Variants in SNCAIP observed in about 807,000 individuals in gnomAD.
SNCAIP encodes synphilin-1.
A neutral mutation model predicts 86.7 loss-of-function variants in SNCAIP; 43 were observed. The observed-to-expected ratio is 0.50, with a 90% CI of 0.39 to 0.64. The LOEUF is 0.64. SNCAIP is among the 30% of genes least tolerant of loss of function. The pLI, the probability that SNCAIP is intolerant of heterozygous loss-of-function variation, is 0.00. For missense variants in SNCAIP, 981 were observed against 1,103.1 expected, an observed-to-expected ratio of 0.89 and a Z score of 1.57; for synonymous variants, 417 against 427.2, an observed-to-expected ratio of 0.98 and a Z score of 0.29.
At chr5:122,368,662 C>G (rs1036977989) in intron 1 of SNCAIP, among the ~76,000 whole-genome samples, 2 of 152,184 alleles carry the variant, frequency 1.3e-5, no homozygotes, top group Non-Finnish European at 2.9e-5. Flanking sequence ...ATCTTAGCTC[C>G]TTTCTCCCAT....
rs182619362 is a variant in SNCAIP, at chr5:122,326,476, T to G, written c.-47+14192T>G. On this transcript the variant is annotated intron_variant, in intron 1 of 10. Coordinates refer to ENST00000261368, the MANE Select transcript of SNCAIP (RefSeq NM_005460.4). ...ACAAAACATACTACTACAACTTCTT[T>G]CCATTTGATAATAAATTTGTCATAG... 6.6e-5 allele frequency among the ~76,000 whole-genome samples: 10 copies of G among 152,248 alleles called. No individual in the cohort carries two copies. The East Asian group carries it at 1.7e-3, about 26-fold the overall frequency.
chr5:122,403,997 A>C (rs1772424749), intron 3 of SNCAIP, 132 bp downstream of exon 3: 3 of 706,008 alleles, frequency 4.2e-6, no homozygotes, highest in Non-Finnish European at 5.1e-6. Context: ...CACTCACACC[A>C]CCCCCCACCT....
At position 122,327,886 on chromosome 5, in the gene SNCAIP, G is replaced by C. The variant is rs531182367; in HGVS notation, c.-47+15602G>C. Among the ~76,000 whole-genome samples, 5 of 152,258 alleles carry C rather than the reference G, an allele frequency of 3.3e-5. No individual in the cohort carries two copies. The East Asian group carries it at 9.7e-4, about 29-fold the overall frequency. On this transcript the variant is annotated intron_variant, in intron 1 of 10. Transcript: ENST00000261368. ...CAAGTGCTATAGTCAGAAGGAGAGA[G>C]GGAACTATGATCTCCATGTGAAATG...
At chr5:122,331,743 C>T (rs1179028602) in intron 1 of SNCAIP, among the ~76,000 whole-genome samples, 1 of 152,184 alleles carries the variant, frequency 6.6e-6, no homozygotes, top group Non-Finnish European at 1.5e-5. Flanking sequence ...CCACTTAATC[C>T]CGTATCGTTC....
intron 6 of SNCAIP, chr5:122,436,619 A>AATGTTCCATTTAT (rs1779546266): frequency 1.3e-5 from 2 of 152,132 alleles, no homozygotes; most frequent in African/African-American, 4.8e-5. Flanking sequence ...CATCTCAAAA[A>AATGTTCCATTTAT]CTGGAATAAA....
chr5:122,433,902 T>C (rs1778886068), intron 6 of SNCAIP, among the ~76,000 whole-genome samples: 1 of 152,220 alleles, frequency 6.6e-6, no homozygotes, highest in Admixed American at 6.5e-5. Context: ...TACAATATTC[T>C]CTTGTGATGC....
rs1358712284 is a variant in SNCAIP, at chr5:122,463,678, CAGA to C, written c.*187_*189del. The C allele has an allele frequency of 5.0e-6, 3 of 604,090 alleles. No homozygotes were observed. The highest frequency in any genetic ancestry group is 4.5e-5 in the South Asian group (2 of 44,616). 37.4% of individuals were successfully genotyped at this position (604,090 alleles called of 1,614,324 possible). On this transcript the variant is annotated 3_prime_UTR_variant, in exon 11 of 11. Transcript: ENST00000261368. ...AACCATGAAAACAATGCCTCACCAGCAGAAGAACAGAATATCAGGATGCCTTAA... is the reference window on the plus strand; with the variant it reads ...AACCATGAAAACAATGCCTCACCAGCAGAACAGAATATCAGGATGCCTTAA...
chr5:122,434,240 C>G (rs1243340712), intron 6 of SNCAIP, among the ~76,000 whole-genome samples: 2 of 152,136 alleles, frequency 1.3e-5, no homozygotes, highest in Non-Finnish European at 2.9e-5. Context: ...TTTTAAGTAT[C>G]AGTGGAAAGG....
Position 122,423,263 on chromosome 5 carries a change from A to T in SNCAIP, c.526A>T (p.Arg176Ter). Residue 176 changes from arginine (R) to a stop codon, truncating the protein, a stop_gained, in exon 4 of 11, where the codon AGA becomes TGA. Coordinates refer to ENST00000261368, the MANE Select transcript of SNCAIP (RefSeq NM_005460.4). LOFTEE classifies it high-confidence loss of function. The stretch of plus-strand genomic sequence containing the variant: ...TTTTACCAAGGTGACTTCAGAAAAA[A>T]GAATTTTGGGCTTATGCACAACCAT... ...ASFTKVTSEK[R>*]ILGLCTTING... The T allele has an allele frequency of 1.2e-6, 2 of 1,614,212 alleles. No individual in the cohort carries two copies. The highest frequency in any genetic ancestry group is 1.7e-6 in the Non-Finnish European group (2 of 1,180,036).
At chr5:122,432,624 A>G (rs1246046331) in intron 6 of SNCAIP, among the ~76,000 whole-genome samples, 1 of 152,170 alleles carries the variant, frequency 6.6e-6, no homozygotes, top group East Asian at 1.9e-4. Flanking sequence ...TCTTTATAAG[A>G]CATTAATCAA....
rs1783621725 is a variant in SNCAIP, at chr5:122,451,198, A to G, written c.2351A>G (p.Asp784Gly). The part of the protein sequence containing the change: ...PSGDPQQPSP[D>G]STAAQKVATS... ...GGTGACCCTCAGCAGCCCAGCCCTG[A>G]CAGTACTGCTGCCCAGAAAGTTGCC... is the stretch of plus-strand genomic sequence containing the variant. The change falls in exon 10 of 11, where the codon GAC becomes GGC. Residue 784 changes from aspartate to glycine, a missense_variant. Transcript: ENST00000261368. 6.2e-7 allele frequency: 1 copy of G among 1,614,116 alleles called. No individual in the cohort carries two copies. The highest frequency in any genetic ancestry group is 8.5e-7 in the Non-Finnish European group (1 of 1,180,012).
At position 122,377,504 on chromosome 5, in the gene SNCAIP, G is replaced by C. The variant is rs879721927; in HGVS notation, c.-46-13585G>C. Among the ~76,000 whole-genome samples, 415 of 150,722 alleles carry C rather than the reference G, an allele frequency of 2.8e-3. 2 individuals are homozygous for C. Among genetic ancestry groups the C allele is most frequent in the Admixed American group, 5.3e-3 (80 of 15,146 alleles). On this transcript the variant is annotated intron_variant, in intron 1 of 10. Transcript: ENST00000261368. Reference sequence around the variant, plus strand: ...TGAGAGGGAGACAGACAGAGAGAGAGAGAGAGAGAGAGAGAGAAAGAAAGA... The same window carrying C: ...TGAGAGGGAGACAGACAGAGAGAGACAGAGAGAGAGAGAGAGAAAGAAAGA...
chr5:122,344,145 C>T (rs182448056), intron 1 of SNCAIP, among the ~76,000 whole-genome samples: 54 of 152,242 alleles, frequency 3.5e-4, no homozygotes, highest in Non-Finnish European at 1.6e-4. Context: ...TCTCCTCCTC[C>T]GCTAAAATGT....
chr5:122,362,350 A>C lies in SNCAIP; in HGVS notation c.-46-28739A>C, dbSNP rs1438763995. On this transcript the variant is annotated intron_variant, in intron 1 of 10. Transcript: ENST00000261368. ...ATGGATACTGTTGCCTTTGAGGTAC[A>C]AAGAAATAGAAAGATTATCAGTATG... Among the ~76,000 whole-genome samples, 5 of 152,222 alleles carry C rather than the reference A, an allele frequency of 3.3e-5. No individual in the cohort carries two copies. The East Asian group carries it at 9.6e-4, about 29-fold the overall frequency.
intron 7 of SNCAIP, chr5:122,444,305 A>C: frequency 1.8e-6 from 1 of 544,008 alleles, no homozygotes; most frequent in Non-Finnish European, 3.5e-6. Flanking sequence ...TGCACTGCAT[A>C]TCTCATAAAG....
Position 122,450,998 on chromosome 5 carries a change from G to C in SNCAIP, c.2151G>C (p.Leu717=), listed in dbSNP as rs146800112. ...AGAGTATGGACAGCGCAGAAAGCCT[G>C]CACCTGATGATTAAGAAACACACCT... ...SVESMDSAES[L]HLMIKKHTLA... is the part of the protein sequence containing the mutation. The change falls in exon 10 of 11, where the codon CTG becomes CTC. Residue 717 remains leucine, a synonymous_variant. Coordinates refer to ENST00000261368, the MANE Select transcript of SNCAIP (RefSeq NM_005460.4). 64 of 1,614,142 alleles carry C rather than the reference G, an allele frequency of 4.0e-5. No homozygotes were observed. The African/African-American group carries it at 8.0e-4, about 20-fold the overall frequency.
intron 6 of SNCAIP, among the ~76,000 whole-genome samples, chr5:122,432,336 A>C (rs553571304): frequency 8.5e-5 from 13 of 152,160 alleles, no homozygotes; most frequent in Non-Finnish European, 1.8e-4. Flanking sequence ...GAAAATGTTC[A>C]TTATATAGTA....
intron 1 of SNCAIP, among the ~76,000 whole-genome samples, chr5:122,358,199 GTGTGTA>G (rs1260412802): frequency 0.048 from 4,916 of 102,342 alleles, 105 homozygotes; most frequent in Non-Finnish European, 0.066. Context: ...GTGTGTGTGT[GTGTGTA>G]TATATATATA....
At chr5:122,385,233 A>T (rs562837659) in intron 1 of SNCAIP, among the ~76,000 whole-genome samples, 5 of 152,274 alleles carry the variant, frequency 3.3e-5, no homozygotes, top group African/African-American at 1.2e-4. Flanking sequence ...CTTGGTGTGG[A>T]AACTAGTGTA....
Sources: allele counts gnomAD v4.1 joint callset (sites outside exome capture counted in the v4.1 genomes callset), GRCh38; gene constraint gnomAD v4.1.1; transcripts MANE v1.5; gene names NCBI Gene and HGNC (gene_info 2026-07-23, HGNC 2026-07-21).